Variants in HHIP observed in about 807,000 individuals in gnomAD.
The protein encoded by HHIP is hedgehog interacting protein, also known as hedgehog-interacting protein.
Under a neutral mutation model 74.0 loss-of-function variants are expected in HHIP, and 12 were observed. The observed-to-expected ratio is 0.16, with a 90% CI of 0.10 to 0.26. The LOEUF is 0.26. Among genes scored for constraint, HHIP ranks in the 10% least tolerant of loss-of-function variants. The probability of loss-of-function intolerance (pLI) is 1.00; values close to 1 mark genes in which losing one functional copy is unlikely to be tolerated. For missense variants in HHIP, 788 were observed against 845.0 expected (o/e 0.93, Z 0.84); for synonymous variants, 309 against 311.6 (o/e 0.99, Z 0.09).
intron 11 of HHIP, among the ~76,000 whole-genome samples, chr4:144,729,093 A>T (rs762106655): frequency 6.6e-6 from 1 of 152,168 alleles, no homozygotes; most frequent in Non-Finnish European, 1.5e-5. Flanking sequence ...AAAGGCACTA[A>T]AATGATTAAT....
At chr4:144,675,050 G>A (rs1560701608) in intron 4 of HHIP, among the ~76,000 whole-genome samples, 1 of 152,154 alleles carries the variant, frequency 6.6e-6, no homozygotes, top group Non-Finnish European at 1.5e-5. Flanking sequence ...TCAGAAGACA[G>A]TGTTAACCAC....
intron 4 of HHIP, among the ~76,000 whole-genome samples, chr4:144,706,043 G>C (rs1202403824): frequency 6.6e-6 from 1 of 152,190 alleles, no homozygotes; most frequent in Non-Finnish European, 1.5e-5. Flanking sequence ...GTAAAGCAAA[G>C]GTTTACATAT....
intron 4 of HHIP, among the ~76,000 whole-genome samples, chr4:144,701,133 C>T (rs1279804542): frequency 1.3e-5 from 2 of 152,146 alleles, no homozygotes; most frequent in African/African-American, 4.8e-5. Context: ...CAAAATACCA[C>T]CACTCTATTC....
In HHIP at chr4:144,741,919, A is replaced by G. The variant is rs1052293373; in HGVS notation, c.*3962A>G. 8.5e-5 allele frequency: 13 copies of G among 152,094 alleles called. No individual in the cohort carries two copies. The highest frequency in any genetic ancestry group is 3.1e-4 in the African/African-American group (13 of 41,400). The allele number at this position is 152,094 out of a possible 1,614,324, so 9.4% of individuals were successfully genotyped here. On this transcript the variant is annotated 3_prime_UTR_variant, in exon 13 of 13. Transcript: ENST00000296575. ...TTGTAGTTTTAATTGTAATTGACTG[A>G]TTAACCAAGTAATTTATAAAATGTT...
At chr4:144,665,927 A>G (rs1728848854) in intron 4 of HHIP, among the ~76,000 whole-genome samples, 1 of 152,188 alleles carries the variant, frequency 6.6e-6, no homozygotes, top group Admixed American at 6.5e-5. Context: ...TTTGAAGGGC[A>G]AAGGAAATAG....
chr4:144,724,017 C>G (rs1290407831), intron 11 of HHIP, among the ~76,000 whole-genome samples: 1 of 151,904 alleles, frequency 6.6e-6, no homozygotes, highest in Non-Finnish European at 1.5e-5. Context: ...CTAACAAATC[C>G]CTACTAAGCT....
intron 11 of HHIP, among the ~76,000 whole-genome samples, chr4:144,727,152 A>G (rs552235138): frequency 1.3e-5 from 2 of 152,322 alleles, no homozygotes; most frequent in African/African-American, 4.8e-5. Context: ...GAGGAAATCC[A>G]AGAGCAGGGT....
At position 144,739,462 on chromosome 4, in the gene HHIP, C is replaced by T. The variant is rs889708548; in HGVS notation, c.*1505C>T. The T allele has an allele frequency of 3.3e-5, 5 of 152,190 alleles. No individual in the cohort carries two copies. The highest frequency in any genetic ancestry group is 7.3e-5 in the Non-Finnish European group (5 of 68,032). 9.4% of individuals were successfully genotyped at this position (152,190 alleles called of 1,614,324 possible). A position where few individuals can be genotyped will look rare whatever the true frequency, so the allele number is the denominator to read the frequency against. On this transcript the variant is annotated 3_prime_UTR_variant, in exon 13 of 13. Transcript: ENST00000296575. Reference sequence around the variant, plus strand: ...GCTGACTTTCTAAACCTTCTCCTTACCTTTAGGAATACAAGCCTCAATTTA... The same window carrying T: ...GCTGACTTTCTAAACCTTCTCCTTATCTTTAGGAATACAAGCCTCAATTTA...
intron 4 of HHIP, among the ~76,000 whole-genome samples, chr4:144,682,428 C>G (rs1434609623): frequency 1.3e-5 from 2 of 152,174 alleles, no homozygotes; most frequent in Non-Finnish European, 2.9e-5. Flanking sequence ...TTATTTCTTT[C>G]AAAACACCAC....
chr4:144,689,906 T>C (rs1253142033), intron 4 of HHIP, among the ~76,000 whole-genome samples: 1 of 152,148 alleles, frequency 6.6e-6, no homozygotes, highest in Non-Finnish European at 1.5e-5. Flanking sequence ...CCTCCTGGCT[T>C]TAAGCAATTC....
chr4:144,674,758 T>C (rs984926840), intron 4 of HHIP, among the ~76,000 whole-genome samples: 1 of 152,222 alleles, frequency 6.6e-6, no homozygotes, highest in Non-Finnish European at 1.5e-5. Context: ...GCATAAATAC[T>C]TTAGGGCCAA....
chr4:144,720,139 C>G (rs539472792), intron 11 of HHIP, among the ~76,000 whole-genome samples: 1 of 152,174 alleles, frequency 6.6e-6, no homozygotes, highest in South Asian at 2.1e-4. Context: ...AGATAAATAC[C>G]CATCTATATA....
At chr4:144,700,892 G>C (rs1363998245) in intron 4 of HHIP, among the ~76,000 whole-genome samples, 1 of 152,126 alleles carries the variant, frequency 6.6e-6, no homozygotes, top group South Asian at 2.1e-4. Flanking sequence ...TACTGTGTTT[G>C]AACTAACAGT....
At chr4:144,699,727 C>T (rs1379125983) in intron 4 of HHIP, among the ~76,000 whole-genome samples, 1 of 151,868 alleles carries the variant, frequency 6.6e-6, no homozygotes, top group Non-Finnish European at 1.5e-5. Context: ...AGGCTTTGTG[C>T]CAAGAACTGG....
intron 6 of HHIP, among the ~76,000 whole-genome samples, chr4:144,707,810 T>C (rs1730188326): frequency 6.6e-6 from 1 of 152,202 alleles, no homozygotes; most frequent in Non-Finnish European, 1.5e-5. Context: ...TCTCACTCTA[T>C]TGCTCAGGCC....
rs575957016 is a variant in HHIP at position 144,720,771 on chromosome 4, C to A, written c.1760+1815C>A. On this transcript the variant is annotated intron_variant, in intron 11 of 12. Coordinates refer to ENST00000296575, the MANE Select transcript of HHIP (RefSeq NM_022475.3). ...TGTACACAGACATGAGCATAAATTTCAAAATTAAACTGACTATAAGAAAAC... is the reference window on the plus strand; with the variant it reads ...TGTACACAGACATGAGCATAAATTTAAAAATTAAACTGACTATAAGAAAAC... Among the ~76,000 whole-genome samples the A allele has an allele frequency of 2.2e-4, 34 of 152,208 alleles. 1 individual carries two copies. The South Asian group carries it at 7.1e-3, about 32-fold the overall frequency.
chr4:144,734,595 TTGTAAATC>T (rs772964382), intron 11 of HHIP, 138 bp from the exon 12 acceptor site: 66 of 531,498 alleles, frequency 1.2e-4, no homozygotes, highest in African/African-American at 1.2e-3. Flanking sequence ...CCTTAGAAAG[TTGTAAATC>T]TGACTGAGTC....
intron 4 of HHIP, among the ~76,000 whole-genome samples, chr4:144,670,528 T>C (rs770830484): frequency 5.9e-5 from 9 of 151,540 alleles, no homozygotes; most frequent in Non-Finnish European, 8.8e-5. Context: ...TGCCATACTA[T>C]TTAGTTCTAA....
At chr4:144,677,090 C>T (rs1397534705) in intron 4 of HHIP, among the ~76,000 whole-genome samples, 3 of 152,164 alleles carry the variant, frequency 2.0e-5, no homozygotes, top group Non-Finnish European at 4.4e-5. Flanking sequence ...TATGGCCAGC[C>T]TCCCAATGAC....
Sources: gnomAD v4.1 joint callset for allele counts (sites outside exome capture counted in the v4.1 genomes callset) on GRCh38, gnomAD v4.1.1 for gene constraint, MANE v1.5 for transcripts, NCBI Gene and HGNC (gene_info 2026-07-23, HGNC 2026-07-21) for gene names.